FSCN3: variants seen among roughly 807,000 people sequenced by gnomAD.
FSCN3 encodes the protein fascin-3.
A neutral mutation model predicts 53.5 loss-of-function variants in FSCN3; 43 were observed. The ratio of observed to expected loss-of-function variants is 0.80; its 90% CI spans 0.63 to 1.04. The LOEUF is 1.04. Among genes scored for constraint, FSCN3 ranks in the 50% least tolerant of loss-of-function variants. The pLI is 0.00. For synonymous variants in FSCN3, 235 were observed against 246.6 expected (o/e 0.95, Z 0.44); for missense variants, 594 against 646.5 (o/e 0.92, Z 0.88).
At chr7:127,594,160 CTGTGTGTGTG>C (rs749215425) in intron 1 of FSCN3, among the ~76,000 whole-genome samples, 163 bp downstream of exon 1, 38 of 89,234 alleles carry the variant, frequency 4.3e-4, no homozygotes, top group South Asian at 1.3e-3. Context: ...AGTGGCCAAG[CTGTGTGTGTG>C]TGTGTGTGTG....
rs758328839 is a variant in FSCN3, at chr7:127,600,302, T to C, written c.1400T>C (p.Val467Ala). The change falls in exon 6 of 7, where the codon GTA (valine) becomes GCA (alanine). Residue 467 changes from valine to alanine, a missense_variant. Coordinates refer to ENST00000265825, the MANE Select transcript of FSCN3 (RefSeq NM_020369.3). ...IELQGSNLLT[V>A]LAPNGFYMRA... is the part of the protein sequence containing the mutation. Reference sequence around the variant, plus strand: ...CTTCAGGGGAGCAACTTACTCACTGTACTGGCCCCCAATGGCTTCTACATG... The same window carrying C: ...CTTCAGGGGAGCAACTTACTCACTGCACTGGCCCCCAATGGCTTCTACATG... The C allele has an allele frequency of 1.9e-6, 3 of 1,611,510 alleles. No individual in the cohort carries two copies. Among genetic ancestry groups the C allele is most frequent in the East Asian group, 4.5e-5 (2 of 44,856 alleles).
chr7:127,596,300 C>T (rs1331507988), intron 2 of FSCN3, 28 bp from the exon 3 acceptor site: 1 of 1,559,922 alleles, frequency 6.4e-7, no homozygotes, highest in Non-Finnish European at 8.8e-7. Flanking sequence ...TGAGGGGAGG[C>T]TTTTACTGAC....
At position 127,600,258 on chromosome 7, in the gene FSCN3, C is replaced by T; in HGVS notation, c.1356C>T (p.Ala452=). The part of the protein sequence containing the change: ...FGTFRPWGKF[A]LNFCIELQGS... ...CCTTTCGCCCTTGGGGCAAGTTTGC[C>T]CTCAACTTCTGTATCGAGCTTCAGG... The change falls in exon 6 of 7, where the codon GCC becomes GCT. Residue 452 remains alanine, a synonymous_variant. Coordinates refer to ENST00000265825, the MANE Select transcript of FSCN3 (RefSeq NM_020369.3). 1.9e-6 allele frequency: 3 copies of T among 1,610,664 alleles called. No homozygotes were observed. The highest frequency in any genetic ancestry group is 2.5e-6 in the Non-Finnish European group (3 of 1,176,768).
At chr7:127,598,274 A>G (rs1313409655) in intron 3 of FSCN3, among the ~76,000 whole-genome samples, 161 bp from the exon 4 acceptor site, 1 of 152,206 alleles carries the variant, frequency 6.6e-6, no homozygotes, top group Non-Finnish European at 1.5e-5. Flanking sequence ...AGCTGAGGCC[A>G]CAGCACATCT....
rs1794480679 is a variant in FSCN3 at position 127,601,784 on chromosome 7, C to A, written c.*162C>A. The stretch of plus-strand genomic sequence containing the variant: ...TGTTTTATGCAACAATACATCACAA[C>A]AGGCCACCCCCAAGATCCTTGTGTG... On this transcript the variant is annotated 3_prime_UTR_variant, in exon 7 of 7. Transcript: ENST00000265825. 6.6e-6 allele frequency: 1 copy of A among 152,202 alleles called. No homozygotes were observed. The allele number at this position is 152,202 out of a possible 1,614,324, so 9.4% of individuals were successfully genotyped here. A position where few individuals can be genotyped will look rare whatever the true frequency, so the allele number is the denominator to read the frequency against.
chr7:127,596,616 CAAA>C (rs752689414), intron 3 of FSCN3, 170 bp downstream of exon 3: 2 of 403,622 alleles, frequency 5.0e-6, no homozygotes, highest in Middle Eastern at 3.9e-4. Context: ...AAAAAAAAAA[CAAA>C]AATCAACTTT....
intron 3 of FSCN3, among the ~76,000 whole-genome samples, chr7:127,597,609 G>A (rs1407357456): frequency 6.6e-6 from 1 of 151,852 alleles, no homozygotes; most frequent in Non-Finnish European, 1.5e-5. Context: ...CTCCCAAGTA[G>A]CTGGGACTAC....
At chr7:127,596,523 A>T in intron 3 of FSCN3, 77 bp downstream of exon 3, 1 of 658,792 alleles carries the variant, frequency 1.5e-6, no homozygotes, top group Non-Finnish European at 2.7e-6. Context: ...CTCCTTTTTC[A>T]AGGCAAATGA....
rs935264872 is a variant in FSCN3, at chr7:127,601,771, CAA to C, written c.*150_*151del. 6.6e-6 allele frequency: 1 copy of C among 152,170 alleles called. No homozygotes were observed. The highest frequency in any genetic ancestry group is 2.4e-5 in the African/African-American group (1 of 41,428). 9.4% of individuals were successfully genotyped at this position (152,170 alleles called of 1,614,324 possible). On this transcript the variant is annotated 3_prime_UTR_variant, in exon 7 of 7. Transcript: ENST00000265825. ...TTAGCAAAACACCTGTTTTATGCAA[CAA>C]TACATCACAACAGGCCACCCCCAAG...
chr7:127,599,041 C>T (rs977035369), intron 4 of FSCN3, among the ~76,000 whole-genome samples: 3 of 151,886 alleles, frequency 2.0e-5, no homozygotes, highest in African/African-American at 4.8e-5. Flanking sequence ...TTTGTCATCA[C>T]TTGAGCAAAG....
chr7:127,601,123 A>G (rs568609935), intron 6 of FSCN3, among the ~76,000 whole-genome samples: 2 of 152,180 alleles, frequency 1.3e-5, no homozygotes, highest in Admixed American at 1.3e-4. Flanking sequence ...TTCTTTAACA[A>G]TGCCTCTTGT....
At chr7:127,599,902 G>T (rs111870873) in intron 5 of FSCN3, among the ~76,000 whole-genome samples, 7 of 147,398 alleles carry the variant, frequency 4.7e-5, no homozygotes, top group African/African-American at 1.5e-4. Flanking sequence ...CCAAGATCAC[G>T]CCACAGCACT....
At chr7:127,594,440 A>G (rs1316571294) in intron 1 of FSCN3, 1 of 469,668 alleles carries the variant, frequency 2.1e-6, no homozygotes, top group African/African-American at 2.0e-5. Context: ...GTGAAGCCTC[A>G]GCCTTGCCCT....
At position 127,600,274 on chromosome 7, in the gene FSCN3, G is replaced by A. The variant is rs749716490; in HGVS notation, c.1372G>A (p.Glu458Lys). ...WGKFALNFCIELQGSNLLTVL... is the reference protein window; with the variant it reads ...WGKFALNFCIKLQGSNLLTVL... The stretch of plus-strand genomic sequence containing the variant: ...CAAGTTTGCCCTCAACTTCTGTATC[G>A]AGCTTCAGGGGAGCAACTTACTCAC... The change falls in exon 6 of 7, where the codon GAG becomes AAG. Residue 458 changes from glutamate to lysine, a missense_variant. By Grantham distance (56) the Glu-to-Lys change is moderately conservative. Transcript: ENST00000265825. The A allele has an allele frequency of 3.2e-5, 51 of 1,609,700 alleles. No homozygotes were observed. The South Asian group carries it at 4.3e-4, about 14-fold the overall frequency.
rs1466701893 is a variant in FSCN3 at position 127,593,799 on chromosome 7, C to T, written c.-55C>T. 1.3e-6 allele frequency: 2 copies of T among 1,546,918 alleles called. No homozygotes were observed. Among genetic ancestry groups the T allele is most frequent in the Non-Finnish European group, 1.7e-6 (2 of 1,143,780 alleles). On this transcript the variant is annotated 5_prime_UTR_variant, in exon 1 of 7. Coordinates refer to ENST00000265825, the MANE Select transcript of FSCN3 (RefSeq NM_020369.3). The stretch of plus-strand genomic sequence containing the variant: ...CCAGGCCCTATGGCCTGTGGAACCT[C>T]ACCACGGGGGGGAGGGCTGGGCCAG...
chr7:127,596,471 G>A, intron 3 of FSCN3, 25 bp downstream of exon 3: 1 of 1,133,606 alleles, frequency 8.8e-7, no homozygotes, highest in South Asian at 1.2e-5. Context: ...TCCTGAGCAA[G>A]AGAAACCTTA....
intron 4 of FSCN3, 75 bp from the exon 5 acceptor site, chr7:127,599,306 G>A (rs920472693): frequency 3.0e-5 from 33 of 1,102,828 alleles, no homozygotes; most frequent in South Asian, 2.1e-4. Context: ...TGCAATTAGC[G>A]TCCCCCCTCC....
At position 127,596,428 on chromosome 7, in the gene FSCN3, T is replaced by C; in HGVS notation, c.942T>C (p.Asn314=). The C allele has an allele frequency of 6.4e-7, 1 of 1,558,018 alleles. No individual in the cohort carries two copies. Residue 314 remains asparagine, a synonymous_variant, in exon 3 of 7, where the codon AAT becomes AAC. Transcript: ENST00000265825. ...CCACTGTGCAGCTTCGTTCAGCCAA[T>C]GGCTACTACCTATCCCAGGTGAGAC... ...ESPTVQLRSA[N]GYYLSQRRHR... is the part of the protein sequence containing the mutation.
rs1200414127 is a variant in FSCN3, at chr7:127,599,437, G to A, written c.1177G>A (p.Gly393Ser). 6.2e-7 allele frequency: 1 copy of A among 1,613,860 alleles called. No homozygotes were observed. Among genetic ancestry groups the A allele is most frequent in the African/African-American group, 1.3e-5 (1 of 74,902 alleles). ...FANRSFLVLR[G>S]RYGYVGSSSG... ...CAATCGCTCCTTCCTTGTATTGCGA[G>A]GTCGTTATGGCTATGTGGGCTCCTC... The change falls in exon 5 of 7, where the codon GGT becomes AGT. Residue 393 changes from glycine (G) to serine (S), a missense_variant. By Grantham distance (56) the Gly-to-Ser change is moderately conservative. Transcript: ENST00000265825.
Sources: allele counts gnomAD v4.1 joint callset (sites outside exome capture counted in the v4.1 genomes callset), GRCh38; gene constraint gnomAD v4.1.1; transcripts MANE v1.5; gene names NCBI Gene and HGNC (gene_info 2026-07-23, HGNC 2026-07-21).